CEP164: variants seen among roughly 807,000 people sequenced by gnomAD.
CEP164 encodes centrosomal protein of 164 kDa.
Under a neutral mutation model 182.7 loss-of-function variants are expected in CEP164, and 162 were observed. The observed-to-expected ratio is 0.89, with a 90% CI of 0.78 to 1.01. CEP164 has a LOEUF of 1.01. Ranked by LOEUF, CEP164 falls within the 50% of genes least tolerant of loss-of-function variation. The pLI is 0.00. For missense variants in CEP164, 1,735 were observed against 1,790.4 expected (o/e 0.97, Z 0.56); for synonymous variants, 661 against 690.0 (o/e 0.96, Z 0.66).
chr11:117,330,662 A>G (rs1219310043), intron 1 of CEP164, among the ~76,000 whole-genome samples: 1 of 152,228 alleles, frequency 6.6e-6, no homozygotes, highest in African/African-American at 2.4e-5. Context: ...AAAAAAAGCA[A>G]AGAAAAAGTG....
chr11:117,355,540 C>A, intron 5 of CEP164: 1 of 1,269,198 alleles, frequency 7.9e-7, no homozygotes. Context: ...GCCCCATTCC[C>A]ATGTCATCCC....
At position 117,362,486 on chromosome 11, in the gene CEP164, TG is replaced by T; in HGVS notation, c.638del (p.Gly213ValfsTer2). The T allele has an allele frequency of 1.2e-6, 2 of 1,613,894 alleles. No homozygotes were observed. Among genetic ancestry groups the T allele is most frequent in the African/African-American group, 2.7e-5 (2 of 75,032 alleles). On this transcript the variant is annotated frameshift_variant, in exon 7 of 33. Coordinates refer to ENST00000278935, the MANE Select transcript of CEP164 (RefSeq NM_014956.5). LOFTEE classifies it high-confidence loss of function. ...IYEDKTALSL[L>X]GLGEETNEED... ...GAGGACAAGACTGCTCTCAGCCTCT[TG>T]GGTTTAGGAGAAGAAACCAATGAGG... is the stretch of plus-strand genomic sequence containing the variant.
intron 8 of CEP164, chr11:117,364,040 A>G (rs1413752115): frequency 6.6e-6 from 1 of 152,224 alleles, no homozygotes; most frequent in Non-Finnish European, 1.5e-5. Context: ...TGCTGGAATT[A>G]CAGGTGTGAG....
chr11:117,326,727 C>T (rs1350256880), upstream of CEP164, among the ~76,000 whole-genome samples: 1 of 152,218 alleles, frequency 6.6e-6, no homozygotes, highest in Admixed American at 6.5e-5. Flanking sequence ...CTGAGTTTCT[C>T]ATCCTGGAAT....
rs1379772424 is a variant in CEP164 at position 117,409,846 on chromosome 11, C to T, written c.3977C>T (p.Ser1326Phe). The change falls in exon 30 of 33, where the codon TCT (serine) becomes TTT (phenylalanine). Residue 1326 changes from serine to phenylalanine, a missense_variant. Transcript: ENST00000278935. The surrounding 1 kb of genome is among the most constrained non-coding windows in gnomAD (Gnocchi z 4.4). The stretch of plus-strand genomic sequence containing the variant: ...CTGGCCAGGTTCTCAGCCTTATCAT[C>T]TGCTACACCCACGTCCACCCAATGG... ...GSLARFSALS[S>F]ATPTSTQWAW... The T allele has an allele frequency of 1.4e-6, 2 of 1,399,144 alleles. No individual in the cohort carries two copies. The highest frequency in any genetic ancestry group is 1.9e-5 in the Admixed American group (1 of 53,974). 86.7% of individuals were successfully genotyped at this position (1,399,144 alleles called of 1,614,324 possible).
intron 5 of CEP164, chr11:117,356,293 C>T: frequency 5.4e-6 from 6 of 1,111,698 alleles, no homozygotes; most frequent in Non-Finnish European, 6.7e-6. Context: ...GGCCGGAGGG[C>T]CTGGGGCTGC....
At position 117,392,665 on chromosome 11, in the gene CEP164, G is replaced by A. The variant is rs1266398755; in HGVS notation, c.2493+38G>A. ...CTGTCTTCCACAGTCGTGTGCGCCT[G>A]TTGTGGACTCTCTTACAGTCAGCTG... On this transcript the variant is annotated intron_variant, in intron 19 of 32. Coordinates refer to ENST00000278935, the MANE Select transcript of CEP164 (RefSeq NM_014956.5). 18 of 1,603,428 alleles carry A rather than the reference G, an allele frequency of 1.1e-5. No individual in the cohort carries two copies. In the Middle Eastern group the frequency reaches 6.7e-4, roughly 59 times the overall value.
upstream of CEP164, among the ~76,000 whole-genome samples, chr11:117,323,664 ACC>A (rs1224889186): frequency 6.6e-6 from 1 of 151,986 alleles, no homozygotes; most frequent in Non-Finnish European, 1.5e-5. Flanking sequence ...TTTTTGAGGA[ACC>A]ACCATACAGT....
chr11:117,405,185 AGGTGCCACTGG>A (rs2136765614), intron 27 of CEP164, among the ~76,000 whole-genome samples: 1 of 152,212 alleles, frequency 6.6e-6, no homozygotes, highest in South Asian at 2.1e-4. Context: ...CTGGTGCTCC[AGGTGCCACTGG>A]GGTATGAAAA....
intron 27 of CEP164, among the ~76,000 whole-genome samples, chr11:117,399,662 T>G (rs2045919969): frequency 1.3e-5 from 2 of 152,246 alleles, no homozygotes; most frequent in African/African-American, 2.4e-5. Context: ...TCCTGACTAT[T>G]TAATGATTGC....
At chr11:117,353,215 A>G (rs2039882344) in intron 5 of CEP164, among the ~76,000 whole-genome samples, 1 of 152,104 alleles carries the variant, frequency 6.6e-6, no homozygotes, top group Non-Finnish European at 1.5e-5. Flanking sequence ...TTTTGTTTAT[A>G]GTTTTTGTTT....
rs749213655 is a variant in CEP164, at chr11:117,391,016, C to T, written c.2084C>T (p.Ser695Phe). ...CCACCCAGGGCTGAGCAAGAGGCTT[C>T]CCTGCAGAAACTGAGAGAAGAGTTG... ...EDQIRAEQEA[S>F]LQKLREELES... The change falls in exon 17 of 33, where the codon TCC (serine) becomes TTC (phenylalanine). Residue 695 changes from serine to phenylalanine, a missense_variant. Ser to Phe is a radical substitution (Grantham distance 155). Transcript: ENST00000278935. The T allele has an allele frequency of 3.1e-6, 5 of 1,614,120 alleles. No homozygotes were observed. Among genetic ancestry groups the T allele is most frequent in the Middle Eastern group, 3.3e-4 (2 of 6,062 alleles).
chr11:117,351,234 T>TCTC (rs2039584673), intron 4 of CEP164, among the ~76,000 whole-genome samples: 1 of 152,130 alleles, frequency 6.6e-6, no homozygotes, highest in African/African-American at 2.4e-5. Context: ...TTTCTCCATG[T>TCTC]TGGTCAGGCT....
chr11:117,408,979 T>C lies in CEP164; in HGVS notation c.3699T>C (p.Ser1233=). ...LSDMDSLSSE[S]SESFSPPHRE... ...ACATGGACAGCCTGAGCAGTGAAAG[T>C]TCTGAATCTTTTTCCCCGCCTCACC... is the stretch of plus-strand genomic sequence containing the variant. The change falls in exon 29 of 33, where the codon AGT becomes AGC. Residue 1233 remains serine, a synonymous_variant. Transcript: ENST00000278935. 1 of 1,613,564 alleles carries C rather than the reference T, an allele frequency of 6.2e-7. No homozygotes were observed. Among genetic ancestry groups the C allele is most frequent in the Non-Finnish European group, 8.5e-7 (1 of 1,179,878 alleles).
chr11:117,351,193 G>A (rs1195827567), intron 4 of CEP164, among the ~76,000 whole-genome samples: 5 of 151,904 alleles, frequency 3.3e-5, no homozygotes, highest in African/African-American at 9.7e-5. Context: ...CCACCACCCC[G>A]GCTAATTTTG....
chr11:117,356,938 C>T (rs937778065), intron 5 of CEP164, among the ~76,000 whole-genome samples: 1 of 152,098 alleles, frequency 6.6e-6, no homozygotes, highest in Non-Finnish European at 1.5e-5. Context: ...TCCTGGCATT[C>T]GTGCAGGATA....
chr11:117,334,750 A>C (rs1389700169), intron 1 of CEP164, among the ~76,000 whole-genome samples: 1 of 142,144 alleles, frequency 7.0e-6, no homozygotes, highest in Non-Finnish European at 1.5e-5. Context: ...GTGCCACTGC[A>C]CTCCAGCCTG....
At chr11:117,325,894 G>A (rs1016173915), upstream of CEP164, among the ~76,000 whole-genome samples, 6 of 151,138 alleles carry the variant, frequency 4.0e-5, no homozygotes, top group Admixed American at 4.0e-4. Flanking sequence ...TAGAGGCTGG[G>A]CAAGTAGGAC....
chr11:117,355,748 A>C, intron 5 of CEP164: 1 of 1,138,822 alleles, frequency 8.8e-7, no homozygotes, highest in Non-Finnish European at 1.1e-6. Flanking sequence ...CAAGCTTGTC[A>C]ATAAGGATAT....
Sources: allele counts gnomAD v4.1 joint callset (sites outside exome capture counted in the v4.1 genomes callset), GRCh38; gene constraint gnomAD v4.1.1; non-coding constraint Gnocchi (gnomAD v3.1); transcripts MANE v1.5; gene names NCBI Gene and HGNC (gene_info 2026-07-23, HGNC 2026-07-21).